Variants in ERBB4 observed in about 807,000 individuals in gnomAD.
ERBB4 encodes the protein erb-b2 receptor tyrosine kinase 4, also known as receptor tyrosine-protein kinase erbB-4.
Under a neutral mutation model 158.0 loss-of-function variants are expected in ERBB4, and 42 were observed. That is an observed-to-expected ratio of 0.27 (90% CI 0.21 to 0.34). The LOEUF is 0.34. Ranked by LOEUF, ERBB4 falls within the 10% of genes least tolerant of loss-of-function variation. The probability of loss-of-function intolerance (pLI) is 1.00; values close to 1 mark genes in which losing one functional copy is unlikely to be tolerated. For synonymous variants in ERBB4, 583 were observed against 558.7 expected (o/e 1.04, Z -0.61); for missense variants, 1,333 against 1,624.1 (o/e 0.82, Z 3.08).
intron 5 of ERBB4, among the ~76,000 whole-genome samples, chr2:211,748,045 A>G (rs961010948): frequency 6.6e-6 from 1 of 151,676 alleles, no homozygotes; most frequent in South Asian, 2.1e-4. Flanking sequence ...GTTATAATAT[A>G]TAGTTTTTTA....
intron 2 of ERBB4, among the ~76,000 whole-genome samples, chr2:212,079,675 G>A (rs971681578): frequency 6.6e-6 from 1 of 151,942 alleles, no homozygotes; most frequent in African/African-American, 2.4e-5. Context: ...CTTCCAGTTA[G>A]GCATAGATGC....
At chr2:211,876,391 A>T (rs2078501502) in intron 3 of ERBB4, among the ~76,000 whole-genome samples, 1 of 152,160 alleles carries the variant, frequency 6.6e-6, no homozygotes, top group African/African-American at 2.4e-5. Flanking sequence ...GAAGAATTAC[A>T]CTTTCACCAT....
intron 25 of ERBB4, among the ~76,000 whole-genome samples, chr2:211,419,628 C>T (rs3791703): frequency 0.46 from 69,350 of 151,844 alleles, 18,072 homozygotes; most frequent in African/African-American, 0.71. Flanking sequence ...ACAGCACTTA[C>T]TATGCAGTCC....
chr2:211,772,404 A>G (rs1401090146), intron 4 of ERBB4, among the ~76,000 whole-genome samples: 1 of 152,104 alleles, frequency 6.6e-6, no homozygotes, highest in Admixed American at 6.6e-5. Context: ...CTAATATGAC[A>G]ATTGACATTT....
At chr2:212,055,416 C>A (rs1367854817) in intron 2 of ERBB4, among the ~76,000 whole-genome samples, 3 of 152,224 alleles carry the variant, frequency 2.0e-5, no homozygotes, top group Non-Finnish European at 4.4e-5. Flanking sequence ...TGTCTGACAG[C>A]TTTGAAGAGA....
rs866436339 is a variant in ERBB4 at position 211,556,622 on chromosome 2, A to C, written c.2487+5281T>G. 3.9e-5 allele frequency among the ~76,000 whole-genome samples: 6 copies of C among 152,304 alleles called. No individual in the cohort carries two copies. In the East Asian group the frequency reaches 5.8e-4, roughly 15 times the overall value. The stretch of plus-strand genomic sequence containing the variant: ...TGGTACATACTCTAAAATCAACCAC[A>C]TAATTGCACATAAATACTCCTCAGC... On this transcript the variant is annotated intron_variant, in intron 20 of 27. Transcript: ENST00000342788.
intron 1 of ERBB4, among the ~76,000 whole-genome samples, chr2:212,376,491 G>A (rs766871704): frequency 6.6e-6 from 1 of 152,074 alleles, no homozygotes; most frequent in African/African-American, 2.4e-5. Flanking sequence ...ATCTAGGAAA[G>A]CTTTGCCACG....
intron 20 of ERBB4, among the ~76,000 whole-genome samples, chr2:211,504,130 G>A (rs1290183598): frequency 6.6e-6 from 1 of 152,046 alleles, no homozygotes; most frequent in Non-Finnish European, 1.5e-5. Context: ...ACCTGCAAGT[G>A]CCACCTACTA....
intron 2 of ERBB4, among the ~76,000 whole-genome samples, chr2:211,986,404 T>G (rs7558696): frequency 0.69 from 104,258 of 151,874 alleles, 38,953 homozygotes; most frequent in Non-Finnish European, 0.85. Flanking sequence ...CAAGATCATA[T>G]AGCTAATTAT....
chr2:211,683,975 TC>T (rs147049155), intron 12 of ERBB4, among the ~76,000 whole-genome samples: 3,256 of 152,280 alleles, frequency 0.021, 116 homozygotes, highest in African/African-American at 0.075. Flanking sequence ...TGCTTATTTT[TC>T]ATTTATATAC....
chr2:212,269,606 T>C (rs147504689), intron 1 of ERBB4, among the ~76,000 whole-genome samples: 188 of 151,916 alleles, frequency 1.2e-3, no homozygotes, highest in African/African-American at 4.4e-3. Context: ...TACTTAGAGA[T>C]AGCTATGGTC....
At chr2:212,160,895 G>A (rs1217852819) in intron 1 of ERBB4, among the ~76,000 whole-genome samples, 1 of 151,914 alleles carries the variant, frequency 6.6e-6, no homozygotes, top group Non-Finnish European at 1.5e-5. Flanking sequence ...GATCTCAGAA[G>A]CCATTATGAC....
At chr2:212,109,642 A>G (rs1452769884) in intron 2 of ERBB4, among the ~76,000 whole-genome samples, 1 of 152,222 alleles carries the variant, frequency 6.6e-6, no homozygotes, top group African/African-American at 2.4e-5. Flanking sequence ...ATCTGTGCTG[A>G]GGAGCTTACT....
chr2:211,992,567 G>GAA (rs780595071), intron 2 of ERBB4, among the ~76,000 whole-genome samples: 11 of 125,236 alleles, frequency 8.8e-5, no homozygotes, highest in South Asian at 6.5e-4. Flanking sequence ...GAGAGAGAGA[G>GAA]AAAAAAAAAA....
At chr2:212,026,676 A>C (rs2177035) in intron 2 of ERBB4, among the ~76,000 whole-genome samples, 116,385 of 151,692 alleles carry the variant, frequency 0.77, 45,536 homozygotes, top group East Asian at 1. Flanking sequence ...CAGAATATTA[A>C]AACATGTTTT....
At chr2:212,052,266 T>C (rs1296398190) in intron 2 of ERBB4, among the ~76,000 whole-genome samples, 3 of 152,198 alleles carry the variant, frequency 2.0e-5, no homozygotes, top group Non-Finnish European at 2.9e-5. Flanking sequence ...CCCTTGGACA[T>C]ATACCAGTGG....
chr2:211,694,188 G>A (rs1023945526), intron 12 of ERBB4, among the ~76,000 whole-genome samples: 6 of 152,154 alleles, frequency 3.9e-5, no homozygotes, highest in African/African-American at 1.4e-4. Flanking sequence ...CTTCTGGAGG[G>A]GACACAATAC....
At chr2:211,570,597 ACT>A (rs1446143532) in intron 19 of ERBB4, among the ~76,000 whole-genome samples, 2 of 151,142 alleles carry the variant, frequency 1.3e-5, no homozygotes, top group African/African-American at 4.9e-5. Context: ...ACACCATTTT[ACT>A]CTGTTTCACT....
chr2:211,592,175 C>T (rs966906020), intron 19 of ERBB4, among the ~76,000 whole-genome samples: 3 of 103,606 alleles, frequency 2.9e-5, no homozygotes, highest in Admixed American at 1.3e-4. Context: ...AGCTGCTAGA[C>T]GCCCGGTAGA....
Sources: allele counts gnomAD v4.1 joint callset (sites outside exome capture counted in the v4.1 genomes callset), GRCh38; gene constraint gnomAD v4.1.1; transcripts MANE v1.5; gene names NCBI Gene and HGNC (gene_info 2026-07-23, HGNC 2026-07-21).